Variants in KAZN observed in about 807,000 individuals in gnomAD.
KAZN encodes the protein kazrin.
Under a neutral mutation model 87.4 loss-of-function variants are expected in KAZN, and 40 were observed. That is an observed-to-expected ratio of 0.46 (90% CI 0.36 to 0.60). KAZN has a LOEUF of 0.60. KAZN is among the 20% of genes least tolerant of loss of function. The pLI, the probability that KAZN is intolerant of heterozygous loss-of-function variation, is 0.00. For missense variants in KAZN, 898 were observed against 1,073.9 expected (o/e 0.84, Z 2.29); for synonymous variants, 466 against 458.3 (o/e 1.02, Z -0.22).
At chr1:14,299,959 A>G (rs1382473423) in intron 2 of KAZN, among the ~76,000 whole-genome samples, 1 of 152,128 alleles carries the variant, frequency 6.6e-6, no homozygotes, top group Non-Finnish European at 1.5e-5. Flanking sequence ...GCTTTGTTAT[A>G]TAACATGGTT....
At chr1:13,978,538 A>T (rs1638492351) in intron 1 of KAZN, among the ~76,000 whole-genome samples, 1 of 151,502 alleles carries the variant, frequency 6.6e-6, no homozygotes, top group Non-Finnish European at 1.5e-5. Context: ...CTATACCTTA[A>T]AAATAAAGGT....
chr1:14,139,163 C>T (rs565369953), intron 1 of KAZN, among the ~76,000 whole-genome samples: 95 of 152,294 alleles, frequency 6.2e-4, no homozygotes, highest in African/African-American at 2.1e-3. Flanking sequence ...AGTTGTCCCA[C>T]GCTAATTTCT....
At chr1:14,482,514 G>C (rs924137651) in intron 2 of KAZN, among the ~76,000 whole-genome samples, 2 of 146,558 alleles carry the variant, frequency 1.4e-5, no homozygotes, top group African/African-American at 4.9e-5. Context: ...CTGTAAAACA[G>C]AGATAATATT....
At chr1:14,664,871 G>A (rs1639422654) in intron 1 of KAZN, among the ~76,000 whole-genome samples, 1 of 152,104 alleles carries the variant, frequency 6.6e-6, no homozygotes, top group Non-Finnish European at 1.5e-5. Flanking sequence ...TAGCCAGGAT[G>A]GCCTTGATCT....
intron 1 of KAZN, among the ~76,000 whole-genome samples, chr1:14,710,834 G>T (rs1030095619): frequency 6.6e-5 from 10 of 152,152 alleles, no homozygotes; most frequent in Non-Finnish European, 1.5e-4. Flanking sequence ...TGTATGTTCT[G>T]CTCTATTCCC....
intron 1 of KAZN, among the ~76,000 whole-genome samples, chr1:13,950,454 T>C (rs1641303046): frequency 6.6e-6 from 1 of 152,198 alleles, no homozygotes; most frequent in African/African-American, 2.4e-5. Flanking sequence ...CAGCGTTCAG[T>C]GTACTGCCTG....
chr1:14,223,366 G>A (rs1274026707), intron 2 of KAZN, among the ~76,000 whole-genome samples: 1 of 152,198 alleles, frequency 6.6e-6, no homozygotes, highest in Non-Finnish European at 1.5e-5. Flanking sequence ...TGATCCCAGT[G>A]CCAATGCCTA....
intron 1 of KAZN, among the ~76,000 whole-genome samples, chr1:14,138,814 T>C (rs984802542): frequency 1.3e-5 from 2 of 152,202 alleles, no homozygotes; most frequent in Non-Finnish European, 2.9e-5. Flanking sequence ...GGCAAGGCTG[T>C]GTGTTTCTAA....
At chr1:14,212,667 T>C (rs1363163782) in intron 2 of KAZN, among the ~76,000 whole-genome samples, 3 of 152,156 alleles carry the variant, frequency 2.0e-5, no homozygotes, top group Non-Finnish European at 2.9e-5. Context: ...AAGAATTCCT[T>C]TATATCCAGT....
rs568328401 is a variant in KAZN at position 14,387,474 on chromosome 1, T to G, written c.249+206882T>G. On this transcript the variant is annotated intron_variant, in intron 2 of 16. Transcript: ENST00000636203. ...TACTTTTGGTCTTTGATGATGGTGATGTACAGATGGGTTTTTGGTGTGGAT... is the reference window on the plus strand; with the variant it reads ...TACTTTTGGTCTTTGATGATGGTGAGGTACAGATGGGTTTTTGGTGTGGAT... 5.6e-3 allele frequency among the ~76,000 whole-genome samples: 852 copies of G among 151,732 alleles called. 12 individuals carry two copies. The highest frequency in any genetic ancestry group is 0.02 in the African/African-American group (809 of 41,378).
Position 13,937,524 on chromosome 1 carries a change from TTTAA to T in KAZN, c.91+43773_91+43776del, listed in dbSNP as rs1450079135. 7.9e-5 allele frequency among the ~76,000 whole-genome samples: 12 copies of T among 152,360 alleles called. No homozygotes were observed. In the East Asian group the frequency reaches 1.9e-3, roughly 24 times the overall value. ...TCTTTTGCTATGCAGAAGCTTTTAG[TTTAA>T]TTAAGTCTCATTTGTTTATTTTTGT... On this transcript the variant is annotated intron_variant, in intron 1 of 16. Coordinates refer to the KAZN transcript ENST00000636203.
chr1:14,178,050 C>A (rs918520262), intron 1 of KAZN, among the ~76,000 whole-genome samples: 1 of 152,052 alleles, frequency 6.6e-6, no homozygotes, highest in African/African-American at 2.4e-5. Context: ...TACCTCCATG[C>A]TGTTCTTATG....
At chr1:14,595,218 G>T (rs1676418313), upstream of KAZN, among the ~76,000 whole-genome samples, 1 of 152,146 alleles carries the variant, frequency 6.6e-6, no homozygotes, top group South Asian at 2.1e-4. Context: ...TACCTTATGG[G>T]GGGGCAGCAT....
chr1:14,786,412 G>A (rs1037767878), intron 1 of KAZN, among the ~76,000 whole-genome samples: 4 of 152,126 alleles, frequency 2.6e-5, no homozygotes, highest in Admixed American at 1.3e-4. Context: ...GCTCTTCCCC[G>A]AGAGTGGAGG....
intron 1 of KAZN, among the ~76,000 whole-genome samples, chr1:14,691,160 T>C (rs1641264560): frequency 6.6e-6 from 1 of 152,216 alleles, no homozygotes; most frequent in Non-Finnish European, 1.5e-5. Context: ...TTTTGACTAT[T>C]GATGGATGGC....
At chr1:14,875,893 TCAGCC>T (rs1652717524) in intron 1 of KAZN, among the ~76,000 whole-genome samples, 1 of 152,220 alleles carries the variant, frequency 6.6e-6, no homozygotes, top group South Asian at 2.1e-4. Flanking sequence ...GGGGTAGATT[TCAGCC>T]CAGGCATGAC....
At chr1:14,625,142 G>T (rs753886398) in intron 1 of KAZN, among the ~76,000 whole-genome samples, 8 of 152,040 alleles carry the variant, frequency 5.3e-5, no homozygotes, top group Non-Finnish European at 8.8e-5. Flanking sequence ...CATTAGCAGC[G>T]GTACCCAGGG....
At chr1:14,481,557 G>A (rs1471934468) in intron 2 of KAZN, among the ~76,000 whole-genome samples, 1 of 152,080 alleles carries the variant, frequency 6.6e-6, no homozygotes, top group Non-Finnish European at 1.5e-5. Flanking sequence ...TTGATCTCTG[G>A]CTCTCAGATG....
At chr1:14,927,638 T>A (rs1465733545) in intron 1 of KAZN, among the ~76,000 whole-genome samples, 1 of 152,104 alleles carries the variant, frequency 6.6e-6, no homozygotes, top group East Asian at 1.9e-4. Context: ...GAAATTAGTA[T>A]CTTTGTAGAC....
Sources: allele counts gnomAD v4.1 joint callset (sites outside exome capture counted in the v4.1 genomes callset), GRCh38; gene constraint gnomAD v4.1.1; transcripts MANE v1.5; gene names NCBI Gene and HGNC (gene_info 2026-07-23, HGNC 2026-07-21).